Variants in LYPD6 observed in about 807,000 individuals in gnomAD.
LYPD6 encodes LY6/PLAUR domain containing 6.
A neutral mutation model predicts 22.7 loss-of-function variants in LYPD6; 15 were observed. That is an observed-to-expected ratio of 0.66 (90% confidence interval 0.44 to 1.02). The LOEUF (loss-of-function observed/expected upper bound fraction) is 1.02. Among genes scored for constraint, LYPD6 ranks in the 50% least tolerant of loss-of-function variants. The pLI is 0.00. For synonymous variants in LYPD6, 72 were observed against 77.5 expected (o/e 0.93, Z 0.37); for missense variants, 189 against 208.4 (o/e 0.91, Z 0.57).
At chr2:149,366,824 CCTGCAGATTTT>C (rs1418389897) in intron 1 of LYPD6, among the ~76,000 whole-genome samples, 1 of 152,102 alleles carries the variant, frequency 6.6e-6, no homozygotes, top group East Asian at 1.9e-4. Context: ...ACCAATGGAG[CCTGCAGATTTT>C]CTCCAGGGCC....
At chr2:149,352,723 C>T (rs1681381412) in intron 1 of LYPD6, among the ~76,000 whole-genome samples, 1 of 152,210 alleles carries the variant, frequency 6.6e-6, no homozygotes, top group African/African-American at 2.4e-5. Context: ...ACAGAGATCA[C>T]TTGTCCCTCA....
intron 3 of LYPD6, among the ~76,000 whole-genome samples, chr2:149,460,232 G>T (rs1174026948): frequency 6.6e-6 from 1 of 152,100 alleles, no homozygotes; most frequent in African/African-American, 2.4e-5. Context: ...TAAATGAAAT[G>T]TATTGACAGA....
At chr2:149,435,492 C>A (rs1683410775) in intron 1 of LYPD6, among the ~76,000 whole-genome samples, 1 of 152,190 alleles carries the variant, frequency 6.6e-6, no homozygotes, top group African/African-American at 2.4e-5. Context: ...CCATGGGATG[C>A]TGTGCAGACC....
intron 1 of LYPD6, among the ~76,000 whole-genome samples, chr2:149,332,148 T>G (rs967132627): frequency 1.3e-5 from 2 of 152,262 alleles, no homozygotes; most frequent in African/African-American, 4.8e-5. Flanking sequence ...AATTTTAGTT[T>G]CCACCTCGAC....
intron 1 of LYPD6, among the ~76,000 whole-genome samples, chr2:149,411,450 G>T (rs1188885006): frequency 6.6e-6 from 1 of 152,004 alleles, no homozygotes; most frequent in African/African-American, 2.4e-5. Flanking sequence ...TACTCCATTT[G>T]CCTGGGCTTT....
intron 3 of LYPD6, among the ~76,000 whole-genome samples, chr2:149,459,639 T>A (rs1389306549): frequency 6.6e-6 from 1 of 152,180 alleles, no homozygotes; most frequent in East Asian, 1.9e-4. Context: ...CAGTGGCTTA[T>A]GCCAGTAATC....
chr2:149,447,470 C>T (rs528763010), intron 2 of LYPD6, among the ~76,000 whole-genome samples: 25 of 152,274 alleles, frequency 1.6e-4, no homozygotes, highest in African/African-American at 6.0e-4. Flanking sequence ...GCCTCATCCC[C>T]ACATCCCCCC....
intron 1 of LYPD6, among the ~76,000 whole-genome samples, chr2:149,432,214 G>T (rs371459980): frequency 6.6e-6 from 1 of 152,116 alleles, no homozygotes; most frequent in Non-Finnish European, 1.5e-5. Flanking sequence ...AAAGTAAAAC[G>T]TAAGACCACA....
At chr2:149,422,097 G>A (rs1231874807) in intron 1 of LYPD6, among the ~76,000 whole-genome samples, 1 of 152,148 alleles carries the variant, frequency 6.6e-6, no homozygotes, top group Admixed American at 6.5e-5. Context: ...GCAGTGTCTT[G>A]ACCCAGATGA....
downstream of LYPD6, among the ~76,000 whole-genome samples, chr2:149,476,371 C>A (rs1438433971): frequency 6.6e-6 from 1 of 151,808 alleles, no homozygotes; most frequent in African/African-American, 2.4e-5. Context: ...AGAGTCATGG[C>A]CTAAAAAGGT....
At chr2:149,418,577 C>G (rs1683013903) in intron 1 of LYPD6, among the ~76,000 whole-genome samples, 1 of 150,738 alleles carries the variant, frequency 6.6e-6, no homozygotes, top group Non-Finnish European at 1.5e-5. Context: ...CACTTCTTTC[C>G]TCTAATTCTC....
chr2:149,398,491 T>C (rs1682477254), intron 1 of LYPD6, among the ~76,000 whole-genome samples: 1 of 151,998 alleles, frequency 6.6e-6, no homozygotes, highest in African/African-American at 2.4e-5. Flanking sequence ...GTCTCCTGGC[T>C]GTCCTGAAAG....
Position 149,471,049 on chromosome 2 carries a change from C to A in LYPD6, c.*199C>A. 2.1e-6 allele frequency: 1 copy of A among 476,148 alleles called. No individual in the cohort carries two copies. Among genetic ancestry groups the A allele is most frequent in the Non-Finnish European group, 3.8e-6 (1 of 265,670 alleles). The allele number at this position is 476,148 out of a possible 1,614,324, so 29.5% of individuals were successfully genotyped here. A position where few individuals can be genotyped will look rare whatever the true frequency, so the allele number is the denominator to read the frequency against. On this transcript the variant is annotated 3_prime_UTR_variant, in exon 5 of 5. Coordinates refer to ENST00000334166, the MANE Select transcript of LYPD6 (RefSeq NM_194317.5). ...CATTTTGAGTCTAACCGAGACTCAT[C>A]AAAGCCTTCTGTCAGTACAGCCCAA...
chr2:149,369,251 A>G (rs76484288), intron 1 of LYPD6, among the ~76,000 whole-genome samples: 6,578 of 152,206 alleles, frequency 0.043, 482 homozygotes, highest in African/African-American at 0.15. Flanking sequence ...TTTAGAATTT[A>G]GGTTATCAAA....
chr2:149,382,905 G>A (rs1573758131), intron 1 of LYPD6, among the ~76,000 whole-genome samples: 2 of 151,970 alleles, frequency 1.3e-5, no homozygotes, highest in Non-Finnish European at 2.9e-5. Flanking sequence ...CTGGATAAAA[G>A]GCAATATATC....
At chr2:149,462,965 C>A (rs1384394091) in intron 3 of LYPD6, among the ~76,000 whole-genome samples, 1 of 151,926 alleles carries the variant, frequency 6.6e-6, no homozygotes, top group Non-Finnish European at 1.5e-5. Context: ...AGAAAATCTT[C>A]ATAAATCTAG....
intron 1 of LYPD6, among the ~76,000 whole-genome samples, chr2:149,381,095 T>A (rs561672385): frequency 6.6e-6 from 1 of 152,146 alleles, no homozygotes; most frequent in Non-Finnish European, 1.5e-5. Flanking sequence ...GTGGGGCAGA[T>A]GGTTTTTGGA....
chr2:149,402,763 G>A (rs1459417228), intron 1 of LYPD6, among the ~76,000 whole-genome samples: 1 of 150,498 alleles, frequency 6.6e-6, no homozygotes, highest in Non-Finnish European at 1.5e-5. Context: ...AAGTTTTAGG[G>A]TACATGTGCA....
chr2:149,456,576 A>T (rs531487790), intron 3 of LYPD6, among the ~76,000 whole-genome samples: 37 of 152,352 alleles, frequency 2.4e-4, no homozygotes, highest in African/African-American at 8.2e-4. Flanking sequence ...AAGTGAGGTC[A>T]TTCAGGTGGG....
Sources: allele counts gnomAD v4.1 joint callset (sites outside exome capture counted in the v4.1 genomes callset), GRCh38; gene constraint gnomAD v4.1.1; transcripts MANE v1.5; gene names NCBI Gene and HGNC (gene_info 2026-07-23, HGNC 2026-07-21).